Variants in LHFPL5 observed in about 807,000 individuals in gnomAD.
The protein encoded by LHFPL5 is LHFPL tetraspan subfamily member 5.
In LHFPL5, 12 loss-of-function variants were observed where a neutral mutation model predicts 18.7. That is an observed-to-expected ratio of 0.64 (90% confidence interval 0.41 to 1.04). The LOEUF (loss-of-function observed/expected upper bound fraction) is 1.04, where lower values mean the gene tolerates loss of function less well. LHFPL5 is among the 50% of genes least tolerant of loss of function. LHFPL5 has a pLI of 0.00. For missense variants in LHFPL5, 259 were observed against 292.1 expected (o/e 0.89, Z 0.83); for synonymous variants, 111 against 120.2 (o/e 0.92, Z 0.50).
At chr6:35,806,518 A>G (rs1377678667) in intron 1 of LHFPL5, among the ~76,000 whole-genome samples, 1 of 152,192 alleles carries the variant, frequency 6.6e-6, no homozygotes, top group Non-Finnish European at 1.5e-5. Context: ...CCAGTCAAGC[A>G]CATTCTAGAT....
At chr6:35,818,345 ATATGTATTTTTTTT>A (rs1278880576) in intron 2 of LHFPL5, among the ~76,000 whole-genome samples, 50 of 5,264 alleles carry the variant, frequency 9.5e-3, no homozygotes, top group African/African-American at 0.021. Flanking sequence ...ATATATATAT[ATATGTATTTTTTTT>A]TTTTTTTTTT....
At chr6:35,821,442 A>T (rs1768863832) in intron 3 of LHFPL5, among the ~76,000 whole-genome samples, 1 of 134,472 alleles carries the variant, frequency 7.4e-6, no homozygotes, top group Non-Finnish European at 1.6e-5. Flanking sequence ...GCATTAGAGC[A>T]TAATCTTTGT....
chr6:35,808,908 A>G (rs1201985286), intron 1 of LHFPL5, among the ~76,000 whole-genome samples: 1 of 152,094 alleles, frequency 6.6e-6, no homozygotes, highest in African/African-American at 2.4e-5. Context: ...CTCATGCAAC[A>G]TTTATGTTAG....
intron 1 of LHFPL5, among the ~76,000 whole-genome samples, chr6:35,812,997 G>A (rs532709240): frequency 7.2e-5 from 11 of 152,180 alleles, no homozygotes; most frequent in African/African-American, 2.6e-4. Flanking sequence ...GGGTGTTGCA[G>A]TGAGCCGAGA....
At chr6:35,817,057 G>T (rs1034574391) in intron 2 of LHFPL5, among the ~76,000 whole-genome samples, 2 of 152,166 alleles carry the variant, frequency 1.3e-5, no homozygotes, top group Admixed American at 6.5e-5. Flanking sequence ...AGATGCGGTG[G>T]CTTATGCCTG....
intron 1 of LHFPL5, 101 bp downstream of exon 1, chr6:35,806,183 G>T (rs769589758): frequency 3.0e-6 from 4 of 1,311,924 alleles, no homozygotes; most frequent in Non-Finnish European, 4.3e-6. Flanking sequence ...CTTAAATTTA[G>T]CTGTTCTCCT....
chr6:35,814,927 C>T lies in LHFPL5; in HGVS notation c.649+145C>T. On this transcript the variant is annotated intron_variant, in intron 2 of 3. Coordinates refer to ENST00000360215, the MANE Select transcript of LHFPL5 (RefSeq NM_182548.4). The surrounding 1 kb of genome is among the most constrained non-coding windows in gnomAD (Gnocchi z 4.2). ...TAATCAGACACACCCCTTGTCCTCC[C>T]TGAAATCAAAGGCCAGTGGAGGGTT... is the stretch of plus-strand genomic sequence containing the variant. 1.3e-6 allele frequency: 1 copy of T among 778,538 alleles called. No homozygotes were observed. The highest frequency in any genetic ancestry group is 1.5e-5 in the South Asian group (1 of 67,422). The allele number at this position is 778,538 out of a possible 1,614,324, so 48.2% of individuals were successfully genotyped here.
chr6:35,813,239 A>AT (rs35884324), intron 1 of LHFPL5, among the ~76,000 whole-genome samples: 19,670 of 56,454 alleles, frequency 0.35, 3,755 homozygotes, highest in South Asian at 0.49. Context: ...AGGAACTAGC[A>AT]TTTTTTTTTT....
At chr6:35,822,327 CTTTT>C (rs1312731248) in intron 3 of LHFPL5, among the ~76,000 whole-genome samples, 1 of 151,940 alleles carries the variant, frequency 6.6e-6, no homozygotes, top group African/African-American at 2.4e-5. Context: ...CTCTGTTTGC[CTTTT>C]TTTTCCTCAC....
chr6:35,818,394 T>TGTCA (rs1768808737), intron 2 of LHFPL5, among the ~76,000 whole-genome samples: 1 of 139,470 alleles, frequency 7.2e-6, no homozygotes, highest in Admixed American at 7.6e-5. Flanking sequence ...ATTCTGGCTC[T>TGTCA]GTCACCCAGG....
chr6:35,809,742 G>A (rs970559851), intron 1 of LHFPL5, among the ~76,000 whole-genome samples: 9 of 152,322 alleles, frequency 5.9e-5, no homozygotes, highest in East Asian at 1.9e-4. Context: ...GAGCTCAGGC[G>A]ATCTGCCTGC....
In LHFPL5 at chr6:35,805,957, C is replaced by G. The variant is rs1768562110; in HGVS notation, c.287C>G (p.Thr96Ser). The stretch of plus-strand genomic sequence containing the variant: ...TCCATCCCCTCTAGAGCCTTCAAGA[C>G]TGCCATGTTCTTTGTGGCCTTGGGC... ...FSSIPSRAFKTAMFFVALGMF... is the reference protein window; with the variant it reads ...FSSIPSRAFKSAMFFVALGMF... The change falls in exon 1 of 4, where the codon ACT (threonine) becomes AGT (serine). Residue 96 changes from threonine to serine, a missense_variant. By Grantham distance (58) the Thr-to-Ser change is moderately conservative (BLOSUM62 1). Transcript: ENST00000360215. This position sits in a 1 kb window ranked among gnomAD's most constrained non-coding sequence, Gnocchi z 4.3. The G allele has an allele frequency of 6.2e-7, 1 of 1,614,144 alleles. No homozygotes were observed. The highest frequency in any genetic ancestry group is 8.5e-7 in the Non-Finnish European group (1 of 1,180,054).
At chr6:35,808,331 TAATA>T (rs1441642629) in intron 1 of LHFPL5, among the ~76,000 whole-genome samples, 3 of 145,782 alleles carry the variant, frequency 2.1e-5, no homozygotes, top group African/African-American at 7.5e-5. Context: ...AAAATAATCA[TAATA>T]AATAATATAT....
intron 2 of LHFPL5, among the ~76,000 whole-genome samples, chr6:35,817,547 G>A (rs1238592784): frequency 6.6e-6 from 1 of 152,070 alleles, no homozygotes; most frequent in Non-Finnish European, 1.5e-5. Flanking sequence ...ATGGGCAAGG[G>A]ATTTGAATAG....
At chr6:35,819,625 T>C (rs1047947451) in intron 3 of LHFPL5, 162 bp downstream of exon 3, 143 of 714,214 alleles carry the variant, frequency 2.0e-4, no homozygotes, top group Non-Finnish European at 3.4e-4. Context: ...CAGGAGCTAT[T>C]TGGCCTCTGA....
intron 2 of LHFPL5, among the ~76,000 whole-genome samples, chr6:35,816,069 G>A (rs534740801): frequency 6.6e-6 from 1 of 152,102 alleles, no homozygotes; most frequent in East Asian, 1.9e-4. Flanking sequence ...TACTGGGGAG[G>A]CTGAGGCAGG....
At position 35,814,463 on chromosome 6, in the gene LHFPL5, A is replaced by G. The variant is rs1768723016; in HGVS notation, c.413-83A>G. On this transcript the variant is annotated intron_variant, in intron 1 of 3. Coordinates refer to ENST00000360215, the MANE Select transcript of LHFPL5 (RefSeq NM_182548.4). This position sits in a 1 kb window ranked among gnomAD's most constrained non-coding sequence, Gnocchi z 4.2. ...TAACAGAAGGAGAAGGGAGGTGACA[A>G]CATAACAGCAGTGCAAGGTGTGGGA... is the stretch of plus-strand genomic sequence containing the variant. 2 of 1,059,126 alleles carry G rather than the reference A, an allele frequency of 1.9e-6. No homozygotes were observed. Among genetic ancestry groups the G allele is most frequent in the Non-Finnish European group, 1.5e-6 (1 of 675,062 alleles). 65.6% of individuals were successfully genotyped at this position (1,059,126 alleles called of 1,614,324 possible). A position where few individuals can be genotyped will look rare whatever the true frequency, so the allele number is the denominator to read the frequency against.
chr6:35,805,744 T>G lies in LHFPL5; in HGVS notation c.74T>G (p.Val25Gly), dbSNP rs1227023431. ...AACTATGTGCGGAACTCGCGAGCCG[T>G]GGGCGTGATGTGGGGTACCCTCACC... ...HTNYVRNSRA[V>G]GVMWGTLTIC... is the part of the protein sequence containing the mutation. Residue 25 changes from valine (V) to glycine (G), a missense_variant, in exon 1 of 4, where the codon GTG becomes GGG. Transcript: ENST00000360215. This position sits in a 1 kb window ranked among gnomAD's most constrained non-coding sequence, Gnocchi z 4.3. The G allele has an allele frequency of 6.2e-7, 1 of 1,614,092 alleles. No individual in the cohort carries two copies. Among genetic ancestry groups the G allele is most frequent in the African/African-American group, 1.3e-5 (1 of 74,946 alleles).
chr6:35,815,042 A>T (rs1457495125), intron 2 of LHFPL5, among the ~76,000 whole-genome samples: 3 of 152,166 alleles, frequency 2.0e-5, no homozygotes. Context: ...AGAGAGCTGC[A>T]ATCCAGCCTT....
Sources: allele counts gnomAD v4.1 joint callset (sites outside exome capture counted in the v4.1 genomes callset), GRCh38; gene constraint gnomAD v4.1.1; non-coding constraint Gnocchi (gnomAD v3.1); transcripts MANE v1.5; gene names NCBI Gene and HGNC (gene_info 2026-07-23, HGNC 2026-07-21).